The following STAB2 variants were observed in gnomAD, a reference collection of about 807,000 sequenced individuals.
The protein encoded by STAB2 is stabilin-2.
STAB2 carries 288 observed loss-of-function variants against 338.1 expected under a neutral mutation model. The observed-to-expected ratio is 0.85, with a 90% CI of 0.77 to 0.94. The LOEUF (loss-of-function observed/expected upper bound fraction) is 0.94. Ranked by LOEUF, STAB2 falls within the 40% of genes least tolerant of loss-of-function variation. The pLI is 0.00. For synonymous variants in STAB2, 1,202 were observed against 1,193.3 expected (o/e 1.01, Z -0.15); for missense variants, 3,141 against 3,210.1 (o/e 0.98, Z 0.52).
chr12:103,709,808 G>A (rs987174183), intron 39 of STAB2, among the ~76,000 whole-genome samples: 1 of 152,178 alleles, frequency 6.6e-6, no homozygotes, highest in Non-Finnish European at 1.5e-5. Flanking sequence ...AGGGAAGCAG[G>A]AAGCAATGGG....
At position 103,731,596 on chromosome 12, in the gene STAB2, A is replaced by C. The variant is rs1322251523; in HGVS notation, c.5244A>C (p.Ala1748=). ...GRILQNLTTL[A]TNNGYIKFSN... is the part of the protein sequence containing the mutation. Reference sequence around the variant, plus strand: ...TGCAGCAAAATCTTACGACTTTGGCAACAAACAATGGCTACATCAAATTTA... The same window carrying C: ...TGCAGCAAAATCTTACGACTTTGGCCACAAACAATGGCTACATCAAATTTA... The change falls in exon 50 of 69, where the codon GCA becomes GCC. Residue 1748 remains alanine (A), a synonymous_variant. Coordinates refer to ENST00000388887, the MANE Select transcript of STAB2 (RefSeq NM_017564.10). The C allele has an allele frequency of 6.2e-7, 1 of 1,613,958 alleles. No individual in the cohort carries two copies. The highest frequency in any genetic ancestry group is 1.1e-5 in the South Asian group (1 of 91,044).
At chr12:103,603,116 G>A (rs768245411) in intron 3 of STAB2, among the ~76,000 whole-genome samples, 12 of 152,074 alleles carry the variant, frequency 7.9e-5, no homozygotes, top group Non-Finnish European at 1.5e-4. Context: ...TGTTGCCCAG[G>A]CTGGAGTGCA....
intron 5 of STAB2, among the ~76,000 whole-genome samples, chr12:103,629,836 C>G (rs751942723): frequency 1.3e-5 from 2 of 152,112 alleles, no homozygotes; most frequent in Non-Finnish European, 2.9e-5. Flanking sequence ...GAGACTTTGT[C>G]CTGTTTATTT....
intron 58 of STAB2, among the ~76,000 whole-genome samples, 189 bp from the exon 59 acceptor site, chr12:103,748,774 G>C (rs1883311955): frequency 6.6e-6 from 1 of 152,082 alleles, no homozygotes; most frequent in African/African-American, 2.4e-5. Context: ...CATCTATGAG[G>C]GTGTCACAAA....
chr12:103,763,050 T>C (rs1884659487), intron 67 of STAB2, among the ~76,000 whole-genome samples: 1 of 152,258 alleles, frequency 6.6e-6, no homozygotes, highest in Non-Finnish European at 1.5e-5. Context: ...TGCTGCCTTC[T>C]GGCAGACAGC....
chr12:103,620,666 CAT>C (rs1957285949), intron 4 of STAB2, 113 bp downstream of exon 4: 1 of 913,778 alleles, frequency 1.1e-6, no homozygotes, highest in Non-Finnish European at 1.7e-6. Context: ...TGCACACACA[CAT>C]ATACAGCGAA....
At position 103,655,558 on chromosome 12, in the gene STAB2, C is replaced by G. The variant is rs774654017; in HGVS notation, c.1711C>G (p.Leu571Val). The change falls in exon 15 of 69, where the codon CTC becomes GTC. Residue 571 changes from leucine (L) to valine (V), a missense_variant. Coordinates refer to ENST00000388887, the MANE Select transcript of STAB2 (RefSeq NM_017564.10). ...EALNNMKDGT[L>V]DYLLSPEGSR... ...ATTGAATAACATGAAGGACGGCACT[C>G]TCGATTACCTCCTTTCTCCAGAGGT... The G allele has an allele frequency of 6.2e-7, 1 of 1,613,804 alleles. No individual in the cohort carries two copies. The highest frequency in any genetic ancestry group is 1.3e-5 in the African/African-American group (1 of 74,864).
At chr12:103,760,545 G>A (rs371670494) in intron 65 of STAB2, among the ~76,000 whole-genome samples, 1 of 152,158 alleles carries the variant, frequency 6.6e-6, no homozygotes, top group South Asian at 2.1e-4. Flanking sequence ...ACAGGGGTGA[G>A]CTACCATGCC....
chr12:103,699,308 C>T, intron 34 of STAB2, 81 bp downstream of exon 34: 1 of 1,499,946 alleles, frequency 6.7e-7, no homozygotes, highest in East Asian at 2.3e-5. Flanking sequence ...TGTCTTGGCT[C>T]CTGTCATCCT....
intron 3 of STAB2, among the ~76,000 whole-genome samples, chr12:103,610,993 C>T (rs528741354): frequency 1.5e-4 from 23 of 152,248 alleles, no homozygotes; most frequent in East Asian, 1.3e-3. Flanking sequence ...TGTAGTGGAG[C>T]GGTTTTGAGT....
intron 67 of STAB2, 189 bp from the exon 68 acceptor site, chr12:103,763,303 G>A (rs183070482): frequency 3.9e-4 from 242 of 612,746 alleles, no homozygotes; most frequent in Non-Finnish European, 5.9e-4. Context: ...GGCAGACATC[G>A]GTAAGATGTC....
At chr12:103,608,307 T>A (rs1197576673) in intron 3 of STAB2, among the ~76,000 whole-genome samples, 2 of 151,286 alleles carry the variant, frequency 1.3e-5, no homozygotes, top group Non-Finnish European at 3.0e-5. Context: ...CCTAGCTAAT[T>A]TTTTTTTTGT....
intron 31 of STAB2, among the ~76,000 whole-genome samples, chr12:103,695,037 T>C (rs1351410923): frequency 6.6e-6 from 1 of 152,192 alleles, no homozygotes; most frequent in Non-Finnish European, 1.5e-5. Flanking sequence ...AAATGTCCTA[T>C]TATTACATAG....
chr12:103,621,934 A>C (rs1311011837), intron 4 of STAB2, 108 bp from the exon 5 acceptor site: 2 of 1,003,244 alleles, frequency 2.0e-6, no homozygotes, highest in African/African-American at 3.2e-5. Context: ...GGATAGGCAC[A>C]GAGGGAAAAT....
At chr12:103,646,000 G>A (rs955780624) in intron 9 of STAB2, among the ~76,000 whole-genome samples, 7 of 152,104 alleles carry the variant, frequency 4.6e-5, no homozygotes, top group Non-Finnish European at 8.8e-5. Context: ...AAACTCATAG[G>A]CAGCCGAGCA....
intron 9 of STAB2, among the ~76,000 whole-genome samples, chr12:103,647,319 G>T (rs1358338558): frequency 6.6e-6 from 1 of 152,024 alleles, no homozygotes; most frequent in Admixed American, 6.6e-5. Context: ...AACACACGTG[G>T]ATTAACCATA....
chr12:103,732,881 T>C, intron 50 of STAB2, 125 bp from the exon 51 acceptor site: 1 of 1,106,788 alleles, frequency 9.0e-7, no homozygotes, highest in Non-Finnish European at 1.3e-6. Flanking sequence ...GCATCACCCT[T>C]GAACCATCCA....
chr12:103,694,160 G>C (rs918834320), intron 31 of STAB2, among the ~76,000 whole-genome samples: 1 of 152,138 alleles, frequency 6.6e-6, no homozygotes, highest in African/African-American at 2.4e-5. Context: ...CAGAGTGGAG[G>C]CTAGCTAAAT....
At chr12:103,667,974 A>G (rs1875321962) in intron 19 of STAB2, among the ~76,000 whole-genome samples, 1 of 152,210 alleles carries the variant, frequency 6.6e-6, no homozygotes, top group East Asian at 1.9e-4. Context: ...TCTAGACCTT[A>G]TACTTACTAT....
Sources: allele counts gnomAD v4.1 joint callset (sites outside exome capture counted in the v4.1 genomes callset), GRCh38; gene constraint gnomAD v4.1.1; transcripts MANE v1.5; gene names NCBI Gene and HGNC (gene_info 2026-07-23, HGNC 2026-07-21).